Variants in AAAS observed in about 807,000 individuals in gnomAD.
AAAS encodes aladin WD repeat nucleoporin.
Under a neutral mutation model 75.6 loss-of-function variants are expected in AAAS, and 60 were observed. That is an observed-to-expected ratio of 0.79 (90% CI 0.64 to 0.98). The LOEUF is 0.98. Among genes scored for constraint, AAAS ranks in the 50% least tolerant of loss-of-function variants. The probability of loss-of-function intolerance (pLI) is 0.00; values close to 1 mark genes in which losing one functional copy is unlikely to be tolerated. For missense variants in AAAS, 658 were observed against 686.9 expected, an observed-to-expected ratio of 0.96 and a Z score of 0.47; for synonymous variants, 271 against 265.0, an observed-to-expected ratio of 1.02 and a Z score of -0.22.
At chr12:53,321,273 C>A in intron 1 of AAAS, 70 bp downstream of exon 1, 2 of 1,584,378 alleles carry the variant, frequency 1.3e-6, no homozygotes, top group East Asian at 2.2e-5. Flanking sequence ...TGTCACACTG[C>A]CTCCTTTCCC....
Position 53,308,297 on chromosome 12 carries a change from C to T in AAAS, c.1234G>A (p.Ala412Thr), listed in dbSNP as rs140950308. The T allele has an allele frequency of 1.3e-4, 210 of 1,614,064 alleles. No individual in the cohort carries two copies. Among genetic ancestry groups the T allele is most frequent in the Non-Finnish European group, 1.7e-4 (204 of 1,180,042 alleles). Reference sequence around the variant, plus strand: ...TGCCTCTCACCTTTCATAAGCACAGCCAGACGTTCCCCACTGGGGTCCCAG... The same window carrying T: ...TGCCTCTCACCTTTCATAAGCACAGTCAGACGTTCCCCACTGGGGTCCCAG... ...MVWDPSGERL[A>T]VLMKGKPRVQ... The change falls in exon 13 of 16, where the codon GCT becomes ACT. Residue 412 changes from alanine to threonine, a missense_variant. Ala to Thr is a moderately conservative substitution (Grantham distance 58, BLOSUM62 0). Coordinates refer to ENST00000209873, the MANE Select transcript of AAAS (RefSeq NM_015665.6).
At chr12:53,315,169 A>G (rs763557595) in intron 4 of AAAS, 29 bp from the exon 5 acceptor site, 2 of 1,613,924 alleles carry the variant, frequency 1.2e-6, no homozygotes, top group Admixed American at 3.3e-5. Flanking sequence ...CACAGGACAC[A>G]CTGGGGCAAA....
chr12:53,321,348 C>A lies in AAAS; in HGVS notation c.118G>T (p.Gly40Cys). 2 of 1,613,730 alleles carry A rather than the reference C, an allele frequency of 1.2e-6. No homozygotes were observed. Among genetic ancestry groups the A allele is most frequent in the East Asian group, 2.2e-5 (1 of 44,874 alleles). The stretch of plus-strand genomic sequence containing the variant: ...TCCCTCCTCGCCCTGGCCACCTGGC[C>A]CCGGAAGTCGGGGGGCGGGCTCTCA... Reference protein sequence around the residue: ...SYESPPPDFRGQWINLPVLQL... With the variant: ...SYESPPPDFRCQWINLPVLQL... The change falls in exon 1 of 16, where the codon GGC becomes TGC. Residue 40 changes from glycine (G) to cysteine (C), a missense_variant. Coordinates refer to ENST00000209873, the MANE Select transcript of AAAS (RefSeq NM_015665.6).
At chr12:53,314,198 G>A (rs1010800386) in intron 7 of AAAS, 100 bp downstream of exon 7, 6 of 1,523,066 alleles carry the variant, frequency 3.9e-6, no homozygotes, top group Admixed American at 1.7e-5. Flanking sequence ...GGGAAGTGCT[G>A]TGAGGACAAA....
intron 7 of AAAS, among the ~76,000 whole-genome samples, chr12:53,313,737 T>G (rs1944425632): frequency 6.6e-6 from 1 of 151,546 alleles, no homozygotes; most frequent in Non-Finnish European, 1.5e-5. Flanking sequence ...GCTTCCCGAG[T>G]AGCTGGGACT....
In AAAS at chr12:53,320,670, T is replaced by C. The variant is rs1207877886; in HGVS notation, c.146A>G (p.Gln49Arg). 1.2e-6 allele frequency: 2 copies of C among 1,614,144 alleles called. No homozygotes were observed. Among genetic ancestry groups the C allele is most frequent in the East Asian group, 4.5e-5 (2 of 44,874 alleles). The stretch of plus-strand genomic sequence containing the variant: ...GGTCTTTAGGGGATCCTTTGTCAGT[T>C]GTAGGACAGGAAGATTGATCCACTA... ...RGQWINLPVL[Q>R]LTKDPLKTPG... is the part of the protein sequence containing the mutation. Residue 49 changes from glutamine to arginine, a missense_variant, in exon 2 of 16, where the codon CAA (glutamine) becomes CGA (arginine). Physicochemically the swap from Gln to Arg is conservative, Grantham distance 43 (BLOSUM62 1). Transcript: ENST00000209873.
chr12:53,314,464 T>G (rs1565781000), intron 6 of AAAS, 23 bp from the exon 7 acceptor site: 2 of 1,613,478 alleles, frequency 1.2e-6, no homozygotes, highest in Non-Finnish European at 1.7e-6. Context: ...GGCAGGAAAC[T>G]GAGTCAAGGC....
chr12:53,321,009 C>T (rs1024335234), intron 1 of AAAS: 12 of 535,574 alleles, frequency 2.2e-5, no homozygotes, highest in African/African-American at 7.6e-5. Flanking sequence ...CCCAGGAACA[C>T]CATGGAAAAA....
In AAAS at chr12:53,307,590, CA is replaced by C; in HGVS notation, c.1539del (p.His513GlnfsTer38). ...EPPAGGGGSI[H>X]DLPLFTETSP... Reference sequence around the variant, plus strand: ...GATGTCTCAGTAAAGAGGGGCAGGTCATGAATAGAGCCTCCACCCCCAGCAG... The same window carrying C: ...GATGTCTCAGTAAAGAGGGGCAGGTCTGAATAGAGCCTCCACCCCCAGCAG... On this transcript the variant is annotated frameshift_variant, in exon 16 of 16. Coordinates refer to ENST00000209873, the MANE Select transcript of AAAS (RefSeq NM_015665.6). LOFTEE classifies it high-confidence loss of function. The C allele has an allele frequency of 5.0e-6, 8 of 1,614,184 alleles. No individual in the cohort carries two copies. The highest frequency in any genetic ancestry group is 6.8e-6 in the Non-Finnish European group (8 of 1,180,006).
intron 7 of AAAS, among the ~76,000 whole-genome samples, chr12:53,311,236 G>T (rs1386758066): frequency 6.6e-6 from 1 of 152,010 alleles, no homozygotes; most frequent in Non-Finnish European, 1.5e-5. Flanking sequence ...GAGCCATCAC[G>T]CCTGGCCTTG....
At chr12:53,309,561 C>T in intron 8 of AAAS, 40 bp downstream of exon 8, 1 of 1,613,034 alleles carries the variant, frequency 6.2e-7, no homozygotes, top group Middle Eastern at 1.8e-4. Context: ...AACACTTTTG[C>T]CAGGACTGAA....
chr12:53,320,719 C>T (rs1944539856), intron 1 of AAAS, 27 bp from the exon 2 acceptor site: 4 of 1,613,020 alleles, frequency 2.5e-6, no homozygotes, highest in East Asian at 2.2e-5. Flanking sequence ...AGGAGTGTGA[C>T]GGTGATTCAG....
At chr12:53,312,317 T>C (rs1440195273) in intron 7 of AAAS, among the ~76,000 whole-genome samples, 1 of 152,184 alleles carries the variant, frequency 6.6e-6, no homozygotes, top group Non-Finnish European at 1.5e-5. Flanking sequence ...GGCTCACTTC[T>C]ATAATCCCAG....
In AAAS at chr12:53,321,543, C is replaced by A. The variant is rs1447731582; in HGVS notation, c.-78G>T. ...CAGACCGCACTCCCGCAACTCGGTTCCCGGGCTAGATTCGTATGCGGACGG... is the reference window on the plus strand; with the variant it reads ...CAGACCGCACTCCCGCAACTCGGTTACCGGGCTAGATTCGTATGCGGACGG... On this transcript the variant is annotated 5_prime_UTR_variant, in exon 1 of 16. Transcript: ENST00000209873. 14 of 1,607,524 alleles carry A rather than the reference C, an allele frequency of 8.7e-6. No homozygotes were observed. Among genetic ancestry groups the A allele is most frequent in the Middle Eastern group, 1.7e-4 (1 of 5,844 alleles).
chr12:53,315,568 CACTCTGGACACCCACTCTGGGTTAT>C (rs1483901891), intron 3 of AAAS, 134 bp downstream of exon 3: 2 of 1,185,686 alleles, frequency 1.7e-6, no homozygotes, highest in Non-Finnish European at 2.5e-6. Flanking sequence ...TCTGGACACC[CACTCTGGACACCCACTCTGGGTTAT>C]TTGGGTAGGT....
At chr12:53,315,814 C>T in intron 2 of AAAS, 32 bp from the exon 3 acceptor site, 1 of 1,604,486 alleles carries the variant, frequency 6.2e-7, no homozygotes. Context: ...GGTCAGCTTA[C>T]TCTGATCCCC....
In AAAS at chr12:53,314,565, T is replaced by C. The variant is rs747189660; in HGVS notation, c.546-124A>G. On this transcript the variant is annotated intron_variant, in intron 6 of 15. Transcript: ENST00000209873. ...ATCCATCCAGGGGCCAGGGGCACCA[T>C]AGGACAGGAGGGGATAAAGGTTAGG... 76 of 1,446,654 alleles carry C rather than the reference T, an allele frequency of 5.3e-5. 1 individual carries two copies. Among genetic ancestry groups the C allele is most frequent in the East Asian group, 3.3e-4 (14 of 42,768 alleles). 89.6% of individuals were successfully genotyped at this position (1,446,654 alleles called of 1,614,324 possible). A position where few individuals can be genotyped will look rare whatever the true frequency, so the allele number is the denominator to read the frequency against.
rs1565778065 is a variant in AAAS, at chr12:53,309,584, GGCAGGGA to G, written c.810+10_810+16del. The G allele has an allele frequency of 8.1e-6, 13 of 1,613,464 alleles. No individual in the cohort carries two copies. Among genetic ancestry groups the G allele is most frequent in the Middle Eastern group, 3.4e-4 (2 of 5,964 alleles). ...TGCCAGGACTGAAATGTGCATGAGG[GGCAGGGA>G]CCCACTCACCCGGATAGCAGCATCC... On this transcript the variant is annotated intron_variant, in intron 8 of 15. Coordinates refer to ENST00000209873, the MANE Select transcript of AAAS (RefSeq NM_015665.6).
intron 5 of AAAS, 33 bp from the exon 6 acceptor site, chr12:53,314,882 ACCTATC>A: frequency 6.3e-7 from 1 of 1,585,284 alleles, no homozygotes; most frequent in Non-Finnish European, 8.6e-7. Flanking sequence ...GAGTTCCTGC[ACCTATC>A]CCTACCCTAG....
Sources: allele counts gnomAD v4.1 joint callset (sites outside exome capture counted in the v4.1 genomes callset), GRCh38; gene constraint gnomAD v4.1.1; transcripts MANE v1.5; gene names NCBI Gene and HGNC (gene_info 2026-07-23, HGNC 2026-07-21).